The following COP1 variants were observed in gnomAD, a reference collection of about 807,000 sequenced individuals.
The protein encoded by COP1 is COP1 E3 ubiquitin ligase, also known as E3 ubiquitin-protein ligase COP1.
A neutral mutation model predicts 101.3 loss-of-function variants in COP1; 24 were observed. The observed-to-expected ratio is 0.24, with a 90% CI of 0.17 to 0.33. COP1 has a LOEUF of 0.33. Among genes scored for constraint, COP1 ranks in the 10% least tolerant of loss-of-function variants. The pLI, the probability that COP1 is intolerant of heterozygous loss-of-function variation, is 1.00. For missense variants in COP1, 663 were observed against 906.2 expected, an observed-to-expected ratio of 0.73 and a Z score of 3.45; for synonymous variants, 347 against 341.9, an observed-to-expected ratio of 1.01 and a Z score of -0.17.
At chr1:176,166,369 C>T (rs1695152179) in intron 3 of COP1, among the ~76,000 whole-genome samples, 2 of 152,130 alleles carry the variant, frequency 1.3e-5, no homozygotes, top group South Asian at 2.1e-4. Flanking sequence ...TCGAGTGATC[C>T]GTCTACCTTG....
chr1:176,064,515 C>T (rs1675559099), intron 11 of COP1, among the ~76,000 whole-genome samples: 1 of 152,164 alleles, frequency 6.6e-6, no homozygotes, highest in Non-Finnish European at 1.5e-5. Flanking sequence ...GCCCTATCAA[C>T]ATTAGTTACC....
intron 9 of COP1, among the ~76,000 whole-genome samples, chr1:176,093,890 G>A (rs1681825210): frequency 6.6e-6 from 1 of 151,872 alleles, no homozygotes; most frequent in South Asian, 2.1e-4. Context: ...GGGCATGGTG[G>A]CGCACACCTG....
At chr1:176,117,244 C>CA (rs1686347989) in intron 8 of COP1, among the ~76,000 whole-genome samples, 1 of 152,108 alleles carries the variant, frequency 6.6e-6, no homozygotes, top group Admixed American at 6.6e-5. Context: ...ACTGAACTAT[C>CA]AAAAGAATAA....
In COP1 at chr1:176,207,052, C is replaced by T; in HGVS notation, c.-74G>A. On this transcript the variant is annotated 5_prime_UTR_variant, in exon 1 of 20. Coordinates refer to ENST00000367669, the MANE Select transcript of COP1 (RefSeq NM_022457.7). ...CCTCGACCCTCCGCCGCCTCCCCTC[C>T]CCTCAGCCTCAGTGCATCCTGAGGA... The T allele has an allele frequency of 7.2e-6, 9 of 1,248,610 alleles. No individual in the cohort carries two copies. The highest frequency in any genetic ancestry group is 9.3e-6 in the Non-Finnish European group (9 of 968,964). 77.3% of individuals were successfully genotyped at this position (1,248,610 alleles called of 1,614,324 possible). A position where few individuals can be genotyped will look rare whatever the true frequency, so the allele number is the denominator to read the frequency against.
At chr1:176,026,376 C>G (rs1667661200) in intron 15 of COP1, among the ~76,000 whole-genome samples, 1 of 151,850 alleles carries the variant, frequency 6.6e-6, no homozygotes, top group Non-Finnish European at 1.5e-5. Context: ...GAACTTTACA[C>G]AAAGAATCTT....
chr1:176,162,579 A>G (rs948995180), intron 5 of COP1, among the ~76,000 whole-genome samples: 5 of 152,216 alleles, frequency 3.3e-5, no homozygotes, highest in African/African-American at 9.6e-5. Context: ...AAGACAGATA[A>G]CCAACAAAAC....
At chr1:176,182,386 G>A (rs766766193) in intron 2 of COP1, among the ~76,000 whole-genome samples, 2 of 152,208 alleles carry the variant, frequency 1.3e-5, no homozygotes, top group African/African-American at 4.8e-5. Context: ...TTTAGCGCTA[G>A]ATGAGTACTT....
At chr1:176,170,591 G>A (rs768564373) in intron 3 of COP1, among the ~76,000 whole-genome samples, 8 of 152,098 alleles carry the variant, frequency 5.3e-5, no homozygotes, top group Admixed American at 1.3e-4. Flanking sequence ...AGTAAATCAC[G>A]CTGAAAAGAG....
intron 18 of COP1, among the ~76,000 whole-genome samples, chr1:175,970,938 T>C (rs1041142865): frequency 6.6e-6 from 1 of 152,124 alleles, no homozygotes; most frequent in African/African-American, 2.4e-5. Flanking sequence ...TATTTGGTAG[T>C]GCATAAAGGC....
chr1:176,044,260 A>G (rs1671114567), intron 12 of COP1, among the ~76,000 whole-genome samples: 1 of 152,250 alleles, frequency 6.6e-6, no homozygotes, highest in African/African-American at 2.4e-5. Flanking sequence ...CTGTATTTAC[A>G]TCCCAAAAGT....
intron 8 of COP1, among the ~76,000 whole-genome samples, chr1:176,122,689 G>C (rs924688621): frequency 1.3e-5 from 2 of 152,156 alleles, no homozygotes; most frequent in African/African-American, 2.4e-5. Flanking sequence ...TGCATACAGG[G>C]ACTATGGAAC....
intron 5 of COP1, among the ~76,000 whole-genome samples, chr1:176,152,111 C>T (rs1320065529): frequency 4.6e-5 from 7 of 152,086 alleles, no homozygotes; most frequent in African/African-American, 1.7e-4. Context: ...GGCAACATGG[C>T]GACACCCCAT....
intron 10 of COP1, among the ~76,000 whole-genome samples, chr1:176,083,788 T>C (rs1679622770): frequency 6.6e-6 from 1 of 152,186 alleles, no homozygotes; most frequent in South Asian, 2.1e-4. Flanking sequence ...TCAGAGAAGT[T>C]AAAATTTCCC....
chr1:176,175,477 G>A (rs571034155), intron 3 of COP1, among the ~76,000 whole-genome samples: 2 of 152,264 alleles, frequency 1.3e-5, no homozygotes, highest in Middle Eastern at 3.4e-3. Context: ...TTCTCATAAG[G>A]AGCGTGCAAC....
At chr1:176,069,644 CACTT>C (rs759829696) in intron 11 of COP1, among the ~76,000 whole-genome samples, 1 of 152,198 alleles carries the variant, frequency 6.6e-6, no homozygotes, top group Non-Finnish European at 1.5e-5. Context: ...GGTTCTCCCT[CACTT>C]ACTTACTGCA....
rs747664869 is a variant in COP1 at position 176,175,892 on chromosome 1, A to G, written c.565+18T>C. The G allele has an allele frequency of 2.2e-6, 3 of 1,352,900 alleles. No homozygotes were observed. The highest frequency in any genetic ancestry group is 2.1e-6 in the Non-Finnish European group (2 of 961,066). The allele number at this position is 1,352,900 out of a possible 1,614,324, so 83.8% of individuals were successfully genotyped here. A position where few individuals can be genotyped will look rare whatever the true frequency, so the allele number is the denominator to read the frequency against. ...GGATCGAAATATTTTTAAAATAAAA[A>G]TCATTCCAAAGACTCACCCAAGAAA... On this transcript the variant is annotated intron_variant, in intron 3 of 19. Coordinates refer to ENST00000367669, the MANE Select transcript of COP1 (RefSeq NM_022457.7).
chr1:176,175,124 C>T (rs961056516), intron 3 of COP1, among the ~76,000 whole-genome samples: 3 of 152,124 alleles, frequency 2.0e-5, no homozygotes, highest in African/African-American at 7.2e-5. Flanking sequence ...TCTCTTCACC[C>T]ATTCACTCCC....
chr1:176,071,862 A>G (rs530299771), intron 11 of COP1, among the ~76,000 whole-genome samples: 46 of 152,340 alleles, frequency 3.0e-4, no homozygotes, highest in Non-Finnish European at 5.3e-4. Context: ...GGATATGTGT[A>G]AAATTATTTC....
intron 14 of COP1, among the ~76,000 whole-genome samples, chr1:176,036,841 T>A (rs1669635650): frequency 6.6e-6 from 1 of 152,176 alleles, no homozygotes; most frequent in African/African-American, 2.4e-5. Flanking sequence ...TTAAATGCAT[T>A]TTCAATTTAT....
Sources: gnomAD v4.1 joint callset for allele counts (sites outside exome capture counted in the v4.1 genomes callset) on GRCh38, gnomAD v4.1.1 for gene constraint, MANE v1.5 for transcripts, NCBI Gene and HGNC (gene_info 2026-07-23, HGNC 2026-07-21) for gene names.